Variants in E2F3 observed in about 807,000 individuals in gnomAD.
E2F3 encodes E2F transcription factor 3, also known as transcription factor E2F3.
A neutral mutation model predicts 44.4 loss-of-function variants in E2F3; 11 were observed. The ratio of observed to expected loss-of-function variants is 0.25; its 90% CI spans 0.16 to 0.41. The LOEUF is 0.41. E2F3 is among the 10% of genes least tolerant of loss of function. The probability of loss-of-function intolerance (pLI) is 1.00; values close to 1 mark genes in which losing one functional copy is unlikely to be tolerated. For synonymous variants in E2F3, 249 were observed against 253.0 expected, an observed-to-expected ratio of 0.98 and a Z score of 0.15; for missense variants, 487 against 583.6, an observed-to-expected ratio of 0.83 and a Z score of 1.70.
At position 20,402,068 on chromosome 6, in the gene E2F3, C is replaced by G. The variant is rs1367773729; in HGVS notation, c.-165C>G. On this transcript the variant is annotated 5_prime_UTR_variant, in exon 1 of 7. Coordinates refer to ENST00000346618, the MANE Select transcript of E2F3 (RefSeq NM_001949.5). The surrounding 1 kb of genome is among the most constrained non-coding windows in gnomAD (Gnocchi z 5.6). ...CCCGATTATTTTTGGCCCCCGGGGC[C>G]TGTGCGGTGCGGAAAAATAAAAAGA... 1 of 1,253,844 alleles carries G rather than the reference C, an allele frequency of 8.0e-7. No homozygotes were observed. Among genetic ancestry groups the G allele is most frequent in the Admixed American group, 3.5e-5 (1 of 28,488 alleles). The allele number at this position is 1,253,844 out of a possible 1,614,324, so 77.7% of individuals were successfully genotyped here. A position where few individuals can be genotyped will look rare whatever the true frequency, so the allele number is the denominator to read the frequency against.
At chr6:20,475,568 T>C (rs1354325345) in intron 1 of E2F3, among the ~76,000 whole-genome samples, 1 of 152,142 alleles carries the variant, frequency 6.6e-6, no homozygotes, top group African/African-American at 2.4e-5. Context: ...CCAGGCTGGA[T>C]TGCGGAGGCA....
At chr6:20,463,493 T>C (rs1219649133) in intron 1 of E2F3, among the ~76,000 whole-genome samples, 1 of 152,228 alleles carries the variant, frequency 6.6e-6, no homozygotes, top group Non-Finnish European at 1.5e-5. Flanking sequence ...CATCATTTTA[T>C]TCTGTTTGAG....
At chr6:20,407,393 A>G (rs79523483) in intron 1 of E2F3, among the ~76,000 whole-genome samples, 4,107 of 152,290 alleles carry the variant, frequency 0.027, 171 homozygotes, top group African/African-American at 0.089. Context: ...CCTTGTGAAC[A>G]GGAAAGGATT....
Position 20,479,870 on chromosome 6 carries a change from G to C in E2F3, c.418G>C (p.Glu140Gln), listed in dbSNP as rs761567374. The change falls in exon 2 of 7, where the codon GAA becomes CAA. Residue 140 changes from glutamate to glutamine, a missense_variant. Glu to Gln is a conservative substitution (Grantham distance 29). Coordinates refer to ENST00000346618, the MANE Select transcript of E2F3 (RefSeq NM_001949.5). ...GGCAAAGCGAAGGCTGGAGCTAGGA[G>C]AAAGCGGTCATCAGTACCTCTCAGA... ...PPAKRRLELGESGHQYLSDGL... is the reference protein window; with the variant it reads ...PPAKRRLELGQSGHQYLSDGL... 8 of 1,612,452 alleles carry C rather than the reference G, an allele frequency of 5.0e-6. No homozygotes were observed. The highest frequency in any genetic ancestry group is 6.8e-6 in the Non-Finnish European group (8 of 1,179,342).
At chr6:20,467,055 T>G (rs1407842899) in intron 1 of E2F3, among the ~76,000 whole-genome samples, 1 of 152,166 alleles carries the variant, frequency 6.6e-6, no homozygotes, top group Non-Finnish European at 1.5e-5. Context: ...CCTGTGACTC[T>G]TCCCCCCTAC....
intron 2 of E2F3, among the ~76,000 whole-genome samples, chr6:20,480,233 C>G (rs1399633707): frequency 6.6e-6 from 1 of 152,118 alleles, no homozygotes; most frequent in Middle Eastern, 3.2e-3. Flanking sequence ...CATTCTATAT[C>G]AAATTTAATT....
At chr6:20,449,735 AC>A (rs1561866286) in intron 1 of E2F3, among the ~76,000 whole-genome samples, 1 of 152,032 alleles carries the variant, frequency 6.6e-6, no homozygotes, top group African/African-American at 2.4e-5. Context: ...TAAGCCTAGT[AC>A]CCATTAGTTA....
chr6:20,440,930 G>C (rs1760752010), intron 1 of E2F3, among the ~76,000 whole-genome samples: 1 of 152,144 alleles, frequency 6.6e-6, no homozygotes, highest in Admixed American at 6.5e-5. Flanking sequence ...AAAGGGTCAG[G>C]GGTAGGGGTG....
chr6:20,421,899 G>A (rs1245449873), intron 1 of E2F3: 3 of 152,224 alleles, frequency 2.0e-5, no homozygotes, highest in Non-Finnish European at 2.9e-5. Context: ...ATCTAGCATA[G>A]TTCTTAAGGG....
intron 3 of E2F3, among the ~76,000 whole-genome samples, chr6:20,482,080 T>C (rs1762241499): frequency 6.6e-6 from 1 of 152,144 alleles, no homozygotes; most frequent in Non-Finnish European, 1.5e-5. Context: ...AAGGAATAAT[T>C]CTGTTACAGG....
At chr6:20,406,716 C>T (rs900835249) in intron 1 of E2F3, among the ~76,000 whole-genome samples, 3 of 152,132 alleles carry the variant, frequency 2.0e-5, no homozygotes, top group East Asian at 1.9e-4. Context: ...AGTTCCACTC[C>T]GTCCATGATT....
chr6:20,430,173 G>A (rs984555952), intron 1 of E2F3, among the ~76,000 whole-genome samples: 7 of 152,134 alleles, frequency 4.6e-5, no homozygotes, highest in Non-Finnish European at 8.8e-5. Flanking sequence ...AGTTCAATTT[G>A]AATTTCAGAT....
At chr6:20,485,710 A>G (rs182871041) in intron 4 of E2F3, among the ~76,000 whole-genome samples, 2 of 152,366 alleles carry the variant, frequency 1.3e-5, no homozygotes, top group Non-Finnish European at 2.9e-5. Context: ...GAACACTGAA[A>G]TATTGATAGA....
At chr6:20,467,988 G>C (rs1294714183) in intron 1 of E2F3, among the ~76,000 whole-genome samples, 1 of 152,038 alleles carries the variant, frequency 6.6e-6, no homozygotes, top group East Asian at 1.9e-4. Context: ...ACATGAGCTA[G>C]GGATGTTCTA....
chr6:20,419,200 T>C (rs1759944687), intron 1 of E2F3, among the ~76,000 whole-genome samples: 1 of 152,254 alleles, frequency 6.6e-6, no homozygotes, highest in Non-Finnish European at 1.5e-5. Flanking sequence ...AGAATGTGTT[T>C]AGTTATTCCC....
intron 1 of E2F3, among the ~76,000 whole-genome samples, chr6:20,461,453 C>T (rs1212180639): frequency 5.3e-5 from 8 of 152,176 alleles, no homozygotes; most frequent in Non-Finnish European, 1.2e-4. Context: ...AAGATGGCAC[C>T]ACTGCACTCC....
At chr6:20,438,442 T>A (rs1760665077) in intron 1 of E2F3, among the ~76,000 whole-genome samples, 1 of 152,226 alleles carries the variant, frequency 6.6e-6, no homozygotes, top group African/African-American at 2.4e-5. Context: ...TCAAGGTGTA[T>A]AAACTTAAAG....
chr6:20,438,320 T>C (rs903169103), intron 1 of E2F3, among the ~76,000 whole-genome samples: 9 of 152,316 alleles, frequency 5.9e-5, no homozygotes, highest in Middle Eastern at 3.4e-3. Flanking sequence ...TTTTGGATAC[T>C]CTAATTTGCA....
intron 1 of E2F3, among the ~76,000 whole-genome samples, chr6:20,442,316 G>A (rs186159605): frequency 3.5e-4 from 54 of 152,212 alleles, no homozygotes; most frequent in Middle Eastern, 6.8e-3. Flanking sequence ...CCTGGTAACC[G>A]TCTTCTTAAT....
Sources: gnomAD v4.1 joint callset for allele counts (sites outside exome capture counted in the v4.1 genomes callset) on GRCh38, gnomAD v4.1.1 for gene constraint, Gnocchi (gnomAD v3.1) non-coding constraint, MANE v1.5 for transcripts, NCBI Gene and HGNC (gene_info 2026-07-23, HGNC 2026-07-21) for gene names.